NF1: variants seen among roughly 807,000 people sequenced by gnomAD.
NF1 encodes the protein neurofibromin.
A neutral mutation model predicts 325.7 loss-of-function variants in NF1; 122 were observed. The observed-to-expected ratio is 0.37, with a 90% CI of 0.32 to 0.44. NF1 has a LOEUF of 0.44. NF1 is among the 20% of genes least tolerant of loss of function. NF1 has a pLI of 1.00. For missense variants in NF1, 2,140 were observed against 3,415.4 expected (o/e 0.63, Z 9.31); for synonymous variants, 1,091 against 1,186.0 (o/e 0.92, Z 1.65).
Position 31,232,172 on chromosome 17 carries a change from A to G in NF1, c.3297A>G (p.Lys1099=). 1 of 1,606,456 alleles carries G rather than the reference A, an allele frequency of 6.2e-7. No individual in the cohort carries two copies. Among genetic ancestry groups the G allele is most frequent in the Non-Finnish European group, 8.5e-7 (1 of 1,173,592 alleles). Reference sequence around the variant, plus strand: ...ATGGTGTGGAATTGATGGAAGCCAAATCACAGTTATTTCTTAAGTAAATTT... The same window carrying G: ...ATGGTGTGGAATTGATGGAAGCCAAGTCACAGTTATTTCTTAAGTAAATTT... ...EGDGVELMEA[K]SQLFLKYFTL... The change falls in exon 25 of 58, where the codon AAA becomes AAG. Residue 1099 remains lysine, a synonymous_variant. Coordinates refer to ENST00000358273, the MANE Select transcript of NF1 (RefSeq NM_001042492.3).
At chr17:31,262,678 G>A (rs2067705224) in intron 35 of NF1, among the ~76,000 whole-genome samples, 1 of 152,102 alleles carries the variant, frequency 6.6e-6, no homozygotes, top group Non-Finnish European at 1.5e-5. Context: ...CCAAACCATT[G>A]ATACTGTTAA....
At chr17:31,292,793 A>G (rs1035209382) in intron 36 of NF1, among the ~76,000 whole-genome samples, 2 of 152,180 alleles carry the variant, frequency 1.3e-5, no homozygotes, top group Admixed American at 6.5e-5. Flanking sequence ...GTAGTCTATA[A>G]TTTGACTTTC....
rs1597865673 is a variant in NF1 at position 31,356,407 on chromosome 17, A to G, written c.7616-53A>G. Reference sequence around the variant, plus strand: ...AACATTTTCTTTTTAGTGTATTCCCATTTATAGACACTGTAGTTAATGAAC... The same window carrying G: ...AACATTTTCTTTTTAGTGTATTCCCGTTTATAGACACTGTAGTTAATGAAC... On this transcript the variant is annotated intron_variant, in intron 51 of 57. Coordinates refer to ENST00000358273, the MANE Select transcript of NF1 (RefSeq NM_001042492.3). 13 of 1,586,480 alleles carry G rather than the reference A, an allele frequency of 8.2e-6. No individual in the cohort carries two copies. In the East Asian group the frequency reaches 2.9e-4, roughly 36 times the overall value.
intron 2 of NF1, 135 bp from the exon 3 acceptor site, chr17:31,158,875 A>G (rs2065713489): frequency 1.7e-6 from 1 of 586,748 alleles, no homozygotes; most frequent in Non-Finnish European, 3.1e-6. Flanking sequence ...GAAATAATAT[A>G]TTTAAGTATA....
At chr17:31,302,566 GCA>G (rs1352181929) in intron 36 of NF1, among the ~76,000 whole-genome samples, 17 of 152,162 alleles carry the variant, frequency 1.1e-4, no homozygotes, top group African/African-American at 3.6e-4. Context: ...TTTGGGCCGG[GCA>G]CGGTGGCTCA....
chr17:31,198,423 AATCCC>A, intron 8 of NF1, among the ~76,000 whole-genome samples: 1 of 152,246 alleles, frequency 6.6e-6, no homozygotes, highest in East Asian at 1.9e-4. Flanking sequence ...ATTACTGATT[AATCCC>A]TTTACTAGTT....
intron 47 of NF1, 49 bp from the exon 48 acceptor site, chr17:31,342,959 GA>G (rs2069862858): frequency 6.2e-7 from 1 of 1,610,478 alleles, no homozygotes; most frequent in Admixed American, 1.7e-5. Context: ...AGCCTTTAAA[GA>G]AAGCTACTGT....
chr17:31,318,570 G>A (rs2151526929), intron 36 of NF1: 1 of 1,614,092 alleles, frequency 6.2e-7, no homozygotes, highest in South Asian at 1.1e-5. Flanking sequence ...GAAAGGTACA[G>A]ATAAGAAAAA....
At chr17:31,332,250 G>A (rs948429708) in intron 39 of NF1, among the ~76,000 whole-genome samples, 3 of 152,124 alleles carry the variant, frequency 2.0e-5, no homozygotes, top group Admixed American at 6.5e-5. Flanking sequence ...TGGATCACAA[G>A]GTAAGGAGTT....
chr17:31,241,301 A>G (rs537347403), intron 29 of NF1, among the ~76,000 whole-genome samples: 5 of 152,276 alleles, frequency 3.3e-5, no homozygotes, highest in East Asian at 1.9e-4. Context: ...AATCCATTCA[A>G]TCACTCTTAC....
Position 31,097,459 on chromosome 17 carries a change from CAA to C in NF1, c.60+2110_60+2111del, listed in dbSNP as rs71142015. 9.5e-3 allele frequency among the ~76,000 whole-genome samples: 746 copies of C among 78,328 alleles called. 3 individuals carry two copies. The highest frequency in any genetic ancestry group is 0.014 in the Non-Finnish European group (566 of 41,188). The allele number at this position is 78,328 out of a possible 152,430, so 51.4% of individuals were successfully genotyped here. A position where few individuals can be genotyped will look rare whatever the true frequency, so the allele number is the denominator to read the frequency against. On this transcript the variant is annotated intron_variant, in intron 1 of 57. Transcript: ENST00000358273. ...GGCGACAGAGCGAGACTCTTGTCTC[CAA>C]AAAAAAAAAAAAAAAAAAAGGAGGA...
At chr17:31,340,854 A>C (rs1597848664) in intron 47 of NF1, among the ~76,000 whole-genome samples, 2 of 151,392 alleles carry the variant, frequency 1.3e-5, no homozygotes, top group Non-Finnish European at 2.9e-5. Flanking sequence ...TAGCAAAAAA[A>C]AAAAAACAAA....
rs1555535398 is a variant in NF1, at chr17:31,343,000, C to G, written c.7063-9C>G. ...ACCTCATCAACCATCTCATGATTATCTTTAATAGAGTCCAGAGGAAGTATT... is the reference window on the plus strand; with the variant it reads ...ACCTCATCAACCATCTCATGATTATGTTTAATAGAGTCCAGAGGAAGTATT... On this transcript the variant is annotated splice_polypyrimidine_tract_variant and intron_variant, in intron 47 of 57. Transcript: ENST00000358273. 6.2e-7 allele frequency: 1 copy of G among 1,614,030 alleles called. No homozygotes were observed. Among genetic ancestry groups the G allele is most frequent in the African/African-American group, 1.3e-5 (1 of 75,034 alleles).
chr17:31,118,926 A>G (rs570710648), intron 1 of NF1, among the ~76,000 whole-genome samples: 15 of 144,254 alleles, frequency 1.0e-4, no homozygotes, highest in Middle Eastern at 7.6e-3. Flanking sequence ...AGGCATTTCT[A>G]TGTCTCTCTC....
At chr17:31,098,427 C>T (rs1052943440) in intron 1 of NF1, among the ~76,000 whole-genome samples, 1 of 151,824 alleles carries the variant, frequency 6.6e-6, no homozygotes, top group Non-Finnish European at 1.5e-5. Context: ...TGCAATGATG[C>T]GACCTTGGCT....
chr17:31,201,002 T>A, intron 9 of NF1, 35 bp from the exon 10 acceptor site: 3 of 1,612,126 alleles, frequency 1.9e-6, no homozygotes, highest in Non-Finnish European at 2.5e-6. Context: ...GCATGGGTAT[T>A]TAAAGGCTTT....
At chr17:31,217,944 A>G (rs2066850591) in intron 13 of NF1, among the ~76,000 whole-genome samples, 1 of 151,690 alleles carries the variant, frequency 6.6e-6, no homozygotes, top group Non-Finnish European at 1.5e-5. Context: ...CGTTTCAAAA[A>G]AAAAAAAAAA....
At chr17:31,166,894 T>C (rs1276382573) in intron 4 of NF1, among the ~76,000 whole-genome samples, 1 of 152,182 alleles carries the variant, frequency 6.6e-6, no homozygotes, top group Non-Finnish European at 1.5e-5. Context: ...GGTCATGTAC[T>C]TGTGCACTTA....
At chr17:31,162,251 C>T (rs1487521897) in intron 3 of NF1, among the ~76,000 whole-genome samples, 1 of 151,836 alleles carries the variant, frequency 6.6e-6, no homozygotes, top group African/African-American at 2.4e-5. Flanking sequence ...CCGAGGAGGG[C>T]GGATCACTTG....
Sources: allele counts gnomAD v4.1 joint callset (sites outside exome capture counted in the v4.1 genomes callset), GRCh38; gene constraint gnomAD v4.1.1; transcripts MANE v1.5; gene names NCBI Gene and HGNC (gene_info 2026-07-23, HGNC 2026-07-21).